Variants in SLC5A6 observed in about 807,000 individuals in gnomAD.
SLC5A6 encodes solute carrier family 5 member 6.
Under a neutral mutation model 67.9 loss-of-function variants are expected in SLC5A6, and 31 were observed. That is an observed-to-expected ratio of 0.46 (90% CI 0.34 to 0.62). SLC5A6 has a LOEUF of 0.62. Ranked by LOEUF, SLC5A6 falls within the 20% of genes least tolerant of loss-of-function variation. The pLI, the probability that SLC5A6 is intolerant of heterozygous loss-of-function variation, is 0.01. For missense variants in SLC5A6, 673 were observed against 812.8 expected, an observed-to-expected ratio of 0.83 and a Z score of 2.09; for synonymous variants, 343 against 331.0, an observed-to-expected ratio of 1.04 and a Z score of -0.39.
In SLC5A6 at chr2:27,203,886, T is replaced by C. The variant is rs367855786; in HGVS notation, c.1006-19A>G. The C allele has an allele frequency of 1.1e-5, 17 of 1,595,360 alleles. No individual in the cohort carries two copies. The highest frequency in any genetic ancestry group is 1.5e-5 in the Non-Finnish European group (17 of 1,163,562). ...GGACGAACTGCAAGCAGAGCGGAGG[T>C]ACACAGCAGTCCTCAGAGAGGGGTC... On this transcript the variant is annotated intron_variant, in intron 9 of 16. Transcript: ENST00000310574.
At chr2:27,202,503 C>CAAGAA (rs1673727246) in intron 12 of SLC5A6, among the ~76,000 whole-genome samples, 1 of 72,284 alleles carries the variant, frequency 1.4e-5, no homozygotes, top group Non-Finnish European at 2.3e-5. Flanking sequence ...GACTCTGTCT[C>CAAGAA]AAAAAAAAAA....
chr2:27,202,101 GA>G, intron 12 of SLC5A6, 27 bp from the exon 13 acceptor site: 1 of 1,550,848 alleles, frequency 6.4e-7, no homozygotes, highest in Non-Finnish European at 8.9e-7. Flanking sequence ...AGAAGAAAAG[GA>G]AAAAGAACAC....
intron 7 of SLC5A6, 22 bp downstream of exon 7, chr2:27,205,328 C>A (rs374148018): frequency 1.9e-6 from 3 of 1,610,952 alleles, no homozygotes; most frequent in Non-Finnish European, 1.7e-6. Flanking sequence ...CAGACCCCAG[C>A]CAGGAGTAGG....
chr2:27,201,623 G>T, intron 14 of SLC5A6, 43 bp downstream of exon 14: 1 of 1,583,246 alleles, frequency 6.3e-7, no homozygotes, highest in East Asian at 2.2e-5. Context: ...AGCCCTCAAA[G>T]GAGGGCTTTG....
chr2:27,212,554 G>A, upstream of SLC5A6: 1 of 1,492,226 alleles, frequency 6.7e-7, no homozygotes, highest in Non-Finnish European at 8.9e-7. Flanking sequence ...CTTCTCCTCG[G>A]CGGGCCTGCG....
chr2:27,200,707 G>T, intron 16 of SLC5A6, 128 bp from the exon 17 acceptor site: 1 of 896,078 alleles, frequency 1.1e-6, no homozygotes. Context: ...GAGAGCAGGG[G>T]GAAAAGAGGG....
At chr2:27,208,222 C>T (rs939032839) in intron 2 of SLC5A6, among the ~76,000 whole-genome samples, 1 of 152,184 alleles carries the variant, frequency 6.6e-6, no homozygotes, top group African/African-American at 2.4e-5. Context: ...CAGGGCTTCC[C>T]CTACTGCCCC....
chr2:27,202,326 AC>A (rs1265711139), intron 12 of SLC5A6, among the ~76,000 whole-genome samples: 3 of 151,580 alleles, frequency 2.0e-5, no homozygotes, highest in African/African-American at 7.3e-5. Context: ...ACATGGTAAA[AC>A]CCCGTCTCTA....
chr2:27,205,513 A>G lies in SLC5A6; in HGVS notation c.580-9T>C. The G allele has an allele frequency of 6.2e-7, 1 of 1,614,138 alleles. No homozygotes were observed. The highest frequency in any genetic ancestry group is 1.1e-5 in the South Asian group (1 of 91,080). On this transcript the variant is annotated splice_polypyrimidine_tract_variant and intron_variant, in intron 6 of 16. Coordinates refer to ENST00000310574, the MANE Select transcript of SLC5A6 (RefSeq NM_021095.4). ...ACGGCCTTCAGCCCACCCTGCAAGGAAAGCACAGCAAACCTGCCACAGAGG... is the reference window on the plus strand; with the variant it reads ...ACGGCCTTCAGCCCACCCTGCAAGGGAAGCACAGCAAACCTGCCACAGAGG...
chr2:27,212,175 C>A lies in SLC5A6; in HGVS notation c.-363G>T. On this transcript the variant is annotated 5_prime_UTR_variant, in exon 1 of 17. Transcript: ENST00000310574. Reference sequence around the variant, plus strand: ...AAGGGGAAAAGGAAGAGGGGGTCGGCCAGTATCCCCGAAAGAGGGCTAGGG... The same window carrying A: ...AAGGGGAAAAGGAAGAGGGGGTCGGACAGTATCCCCGAAAGAGGGCTAGGG... 1 of 1,537,704 alleles carries A rather than the reference C, an allele frequency of 6.5e-7. No homozygotes were observed. Among genetic ancestry groups the A allele is most frequent in the Non-Finnish European group, 8.7e-7 (1 of 1,143,158 alleles).
At chr2:27,209,222 G>C in intron 2 of SLC5A6, among the ~76,000 whole-genome samples, 1 of 152,162 alleles carries the variant, frequency 6.6e-6, no homozygotes, top group East Asian at 1.9e-4. Flanking sequence ...CACCCTGTCT[G>C]TTCTCCAAGC....
rs200514955 is a variant in SLC5A6, at chr2:27,207,623, G to A, written c.28C>T (p.Pro10Ser). 3 of 1,614,084 alleles carry A rather than the reference G, an allele frequency of 1.9e-6. No homozygotes were observed. Among genetic ancestry groups the A allele is most frequent in the African/African-American group, 2.7e-5 (2 of 75,052 alleles). The change falls in exon 3 of 17, where the codon CCT becomes TCT. Residue 10 changes from proline to serine, a missense_variant. Physicochemically the swap from Pro to Ser is moderately conservative, Grantham distance 74. Coordinates refer to ENST00000310574, the MANE Select transcript of SLC5A6 (RefSeq NM_021095.4). The surrounding 1 kb of genome is among the most constrained non-coding windows in gnomAD (Gnocchi z 5.5). Reference protein sequence around the residue: MSVGVSTSAPLSPTSGTSVG... With the variant: MSVGVSTSASLSPTSGTSVG... Reference sequence around the variant, plus strand: ...CTTGTGCCCGAGGTTGGGGAAAGAGGGGCTGAGGTGCTCACCCCTACACTC... The same window carrying A: ...CTTGTGCCCGAGGTTGGGGAAAGAGAGGCTGAGGTGCTCACCCCTACACTC...
chr2:27,202,717 G>C (rs532040132), intron 12 of SLC5A6, 96 bp downstream of exon 12: 2 of 1,068,986 alleles, frequency 1.9e-6, no homozygotes, highest in South Asian at 1.3e-5. Context: ...CCTGCCCCCC[G>C]GTCATTCCCC....
Position 27,204,785 on chromosome 2 carries a change from A to G in SLC5A6, c.875+6T>C. 6.2e-7 allele frequency: 1 copy of G among 1,613,982 alleles called. No homozygotes were observed. The highest frequency in any genetic ancestry group is 8.5e-7 in the Non-Finnish European group (1 of 1,179,946). Reference sequence around the variant, plus strand: ...TGCTCCACTCCCTTCCTGTCCCTGCACTCACAGCACAGCAGCCTTCTCCGT... The same window carrying G: ...TGCTCCACTCCCTTCCTGTCCCTGCGCTCACAGCACAGCAGCCTTCTCCGT... On this transcript the variant is annotated splice_donor_region_variant and intron_variant, in intron 8 of 16. Transcript: ENST00000310574.
chr2:27,207,576 G>A lies in SLC5A6; in HGVS notation c.75C>T (p.Ser25=). The stretch of plus-strand genomic sequence containing the variant: ...GGACGAACACCACATAGTCCATGAT[G>A]GAGAAGGTAGACATGCCCACGCTTG... ...SGTSVGMSTF[S]IMDYVVFVLL... Residue 25 remains serine (S), a synonymous_variant, in exon 3 of 17, where the codon TCC becomes TCT. Coordinates refer to ENST00000310574, the MANE Select transcript of SLC5A6 (RefSeq NM_021095.4). The surrounding 1 kb of genome is among the most constrained non-coding windows in gnomAD (Gnocchi z 5.5). The A allele has an allele frequency of 6.2e-7, 1 of 1,614,244 alleles. No individual in the cohort carries two copies. Among genetic ancestry groups the A allele is most frequent in the Non-Finnish European group, 8.5e-7 (1 of 1,180,036 alleles).
upstream of SLC5A6, chr2:27,212,595 C>T: frequency 2.1e-6 from 3 of 1,446,256 alleles, no homozygotes; most frequent in Non-Finnish European, 1.8e-6. Flanking sequence ...GCTTCCCGAC[C>T]CTGCCCAGCC....
Position 27,211,915 on chromosome 2 carries a change from A to G in SLC5A6, c.-208+105T>C, listed in dbSNP as rs376266938. ...CCAGGCCCACCTGCCCGGTCTCCAC[A>G]CGTGGGTAGCCAGAGCCCGGCCGAG... is the stretch of plus-strand genomic sequence containing the variant. On this transcript the variant is annotated intron_variant, in intron 1 of 16. Coordinates refer to ENST00000310574, the MANE Select transcript of SLC5A6 (RefSeq NM_021095.4). 1.6e-3 allele frequency: 585 copies of G among 373,220 alleles called. 8 individuals are homozygous for G. In the East Asian group the frequency reaches 0.031, roughly 20 times the overall value. 23.1% of individuals were successfully genotyped at this position (373,220 alleles called of 1,614,324 possible).
In SLC5A6 at chr2:27,201,029, T is replaced by A. The variant is rs375982630; in HGVS notation, c.1733A>T (p.Gln578Leu). The A allele has an allele frequency of 8.1e-6, 13 of 1,613,596 alleles. No individual in the cohort carries two copies. Among genetic ancestry groups the A allele is most frequent in the East Asian group, 6.7e-5 (3 of 44,888 alleles). Residue 578 changes from glutamine to leucine, a missense_variant, in exon 16 of 17, where the codon CAG (glutamine) becomes CTG (leucine). Coordinates refer to ENST00000310574, the MANE Select transcript of SLC5A6 (RefSeq NM_021095.4). ...GTAGCTCCTGCAGTGGAGCCGCTTC[T>A]GACAGGACAACGGAAGGAGGGACAG... is the stretch of plus-strand genomic sequence containing the variant. ...KLLSLLPLSC[Q>L]KRLHCRSYGQ...
intron 2 of SLC5A6, 137 bp downstream of exon 2, chr2:27,211,330 C>T (rs377109813): frequency 1.3e-5 from 2 of 152,228 alleles, no homozygotes; most frequent in South Asian, 4.1e-4. Context: ...CTCGGCTACT[C>T]GAGATGATCA....
Sources: gnomAD v4.1 joint callset for allele counts (sites outside exome capture counted in the v4.1 genomes callset) on GRCh38, gnomAD v4.1.1 for gene constraint, Gnocchi (gnomAD v3.1) non-coding constraint, MANE v1.5 for transcripts, NCBI Gene and HGNC (gene_info 2026-07-23, HGNC 2026-07-21) for gene names.